MALSU1: variants seen among roughly 807,000 people sequenced by gnomAD.
MALSU1 encodes mitochondrial assembly of ribosomal large subunit protein 1.
A neutral mutation model predicts 22.1 loss-of-function variants in MALSU1; 22 were observed. The observed-to-expected ratio is 1.00, with a 90% confidence interval of 0.71 to 1.42. MALSU1 has a LOEUF of 1.42. MALSU1 is among the 40% of genes most tolerant of loss of function. The pLI, the probability that MALSU1 is intolerant of heterozygous loss-of-function variation, is 0.00. For missense variants in MALSU1, 379 were observed against 308.3 expected, an observed-to-expected ratio of 1.23 and a Z score of -1.72; for synonymous variants, 153 against 118.5, an observed-to-expected ratio of 1.29 and a Z score of -1.89.
chr7:23,300,732 G>C (rs1783630905), intron 1 of MALSU1, 107 bp from the exon 2 acceptor site: 1 of 938,508 alleles, frequency 1.1e-6, no homozygotes, highest in Admixed American at 2.1e-5. Context: ...AAAACACTTT[G>C]GATCTAAACA....
In MALSU1 at chr7:23,310,030, T is replaced by G. The variant is rs1011762433; in HGVS notation, c.*487T>G. ...TAACACAAGAAAGTAAACAAAGTGT[T>G]TGTTAGGAAAAACTCTGAACGCTCT... On this transcript the variant is annotated 3_prime_UTR_variant, in exon 4 of 4. Transcript: ENST00000466681. The G allele has an allele frequency of 1.6e-5, 2 of 123,218 alleles. No individual in the cohort carries two copies. Among genetic ancestry groups the G allele is most frequent in the East Asian group, 5.1e-4 (2 of 3,930 alleles). 7.6% of individuals were successfully genotyped at this position (123,218 alleles called of 1,614,324 possible). A position where few individuals can be genotyped will look rare whatever the true frequency, so the allele number is the denominator to read the frequency against.
In MALSU1 at chr7:23,309,126, T is replaced by TATCA. The variant is rs573265477; in HGVS notation, c.518-229_518-226dup. 2.0e-4 allele frequency among the ~76,000 whole-genome samples: 30 copies of TATCA among 152,332 alleles called. 1 individual carries two copies. Among genetic ancestry groups the TATCA allele is most frequent in the South Asian group, 1.4e-3 (7 of 4,830 alleles). On this transcript the variant is annotated intron_variant, in intron 3 of 3. Coordinates refer to ENST00000466681, the MANE Select transcript of MALSU1 (RefSeq NM_138446.2). ...CCATTAGTCTCTTTGATAAAGTTAC[T>TATCA]ATCACCAGCAATGTTATATATTGAC...
chr7:23,304,104 C>T (rs1326197018), intron 2 of MALSU1, among the ~76,000 whole-genome samples: 4 of 145,776 alleles, frequency 2.7e-5, no homozygotes, highest in Non-Finnish European at 5.9e-5. Context: ...GAAACTCAGT[C>T]TCAAAAAAAA....
intron 2 of MALSU1, among the ~76,000 whole-genome samples, chr7:23,302,252 C>T (rs1783657998): frequency 6.6e-6 from 1 of 152,146 alleles, no homozygotes; most frequent in African/African-American, 2.4e-5. Context: ...GATTGTTTTC[C>T]AGTTGCACTG....
In MALSU1 at chr7:23,299,639, C is replaced by A. The variant is rs370706854; in HGVS notation, c.256+31C>A. 4 of 1,541,994 alleles carry A rather than the reference C, an allele frequency of 2.6e-6. No individual in the cohort carries two copies. The East Asian group carries it at 7.4e-5, about 28-fold the overall frequency. ...GGCGTGGAGAAGAACGAAGGCGACC[C>A]TCTCCGGGCAGTCTGGAGTCAGGTC... On this transcript the variant is annotated intron_variant, in intron 1 of 3. Transcript: ENST00000466681.
chr7:23,305,962 A>T lies in MALSU1; in HGVS notation c.436-1906A>T, dbSNP rs558347055. ...GTAATCCTAGCACTTTGGGAGGCCG[A>T]GGCAGGCAGATCACCTGAGATCGGG... On this transcript the variant is annotated intron_variant, in intron 2 of 3. Coordinates refer to ENST00000466681, the MANE Select transcript of MALSU1 (RefSeq NM_138446.2). Among the ~76,000 whole-genome samples the T allele has an allele frequency of 5.6e-4, 86 of 152,328 alleles. 1 individual carries two copies. The highest frequency in any genetic ancestry group is 2.0e-3 in the African/African-American group (84 of 41,586).
chr7:23,302,639 A>ATGGG lies in MALSU1; in HGVS notation c.435+1623_435+1626dup, dbSNP rs560184759. 7.2e-5 allele frequency among the ~76,000 whole-genome samples: 11 copies of ATGGG among 152,324 alleles called. No homozygotes were observed. The South Asian group carries it at 2.3e-3, about 32-fold the overall frequency. On this transcript the variant is annotated intron_variant, in intron 2 of 3. Coordinates refer to ENST00000466681, the MANE Select transcript of MALSU1 (RefSeq NM_138446.2). ...CATTGGACTTGCGGATGTAAAAAGAATGGGAGGTTTTACAGAGAAGTTTCT... is the reference window on the plus strand; with the variant it reads ...CATTGGACTTGCGGATGTAAAAAGAATGGGTGGGAGGTTTTACAGAGAAGTTTCT...
chr7:23,299,641 C>G, intron 1 of MALSU1, 33 bp downstream of exon 1: 2 of 1,541,040 alleles, frequency 1.3e-6, no homozygotes, highest in Non-Finnish European at 8.8e-7. Context: ...AGGCGACCCT[C>G]TCCGGGCAGT....
At chr7:23,301,111 C>A in intron 2 of MALSU1, 94 bp downstream of exon 2, 3 of 1,198,944 alleles carry the variant, frequency 2.5e-6, no homozygotes, top group South Asian at 1.7e-5. Context: ...GTAAACCCAT[C>A]ATACAAAGTT....
intron 3 of MALSU1, among the ~76,000 whole-genome samples, chr7:23,308,709 G>GT (rs1783758481): frequency 6.6e-6 from 1 of 152,058 alleles, no homozygotes; most frequent in Non-Finnish European, 1.5e-5. Flanking sequence ...CTCAGATGAG[G>GT]GTGTCTAGGT....
intron 2 of MALSU1, among the ~76,000 whole-genome samples, chr7:23,303,296 A>T (rs189655021): frequency 6.1e-4 from 93 of 152,286 alleles, no homozygotes; most frequent in Middle Eastern, 3.4e-3. Flanking sequence ...TAGATTTGTG[A>T]CCGACTTATC....
intron 2 of MALSU1, among the ~76,000 whole-genome samples, chr7:23,304,733 G>A (rs1463633001): frequency 6.6e-6 from 1 of 151,992 alleles, no homozygotes; most frequent in Admixed American, 6.6e-5. Flanking sequence ...ATAGAGACAG[G>A]GTCTCACTAT....
rs1329696118 is a variant in MALSU1, at chr7:23,302,547, T to C, written c.435+1530T>C. On this transcript the variant is annotated intron_variant, in intron 2 of 3. Coordinates refer to ENST00000466681, the MANE Select transcript of MALSU1 (RefSeq NM_138446.2). ...ACTAGGAAAGCATAAAGAAGAGATA[T>C]ACAAAGACAGCATACCAGGGTCTCT... Among the ~76,000 whole-genome samples the C allele has an allele frequency of 2.6e-5, 4 of 152,068 alleles. No individual in the cohort carries two copies. In the East Asian group the frequency reaches 5.8e-4, roughly 22 times the overall value.
intron 2 of MALSU1, among the ~76,000 whole-genome samples, chr7:23,306,914 G>T (rs550985440): frequency 6.6e-6 from 1 of 152,244 alleles, no homozygotes; most frequent in South Asian, 2.1e-4. Context: ...AGTGTTCCCT[G>T]TTCTTCAATT....
Position 23,310,476 on chromosome 7 carries a change from A to T in MALSU1, c.*933A>T, listed in dbSNP as rs950471461. 3.9e-5 allele frequency: 6 copies of T among 152,248 alleles called. No homozygotes were observed. Among genetic ancestry groups the T allele is most frequent in the African/African-American group, 1.4e-4 (6 of 41,462 alleles). The allele number at this position is 152,248 out of a possible 1,614,324, so 9.4% of individuals were successfully genotyped here. A position where few individuals can be genotyped will look rare whatever the true frequency, so the allele number is the denominator to read the frequency against. On this transcript the variant is annotated 3_prime_UTR_variant, in exon 4 of 4. Coordinates refer to ENST00000466681, the MANE Select transcript of MALSU1 (RefSeq NM_138446.2). ...ATGCAGCACCTATGTGTATATTTTT[A>T]AAAAATCAAATATTGGGGAAAAAAA...
rs548221180 is a variant in MALSU1, at chr7:23,305,666, C to T, written c.436-2202C>T. 8.5e-5 allele frequency among the ~76,000 whole-genome samples: 13 copies of T among 152,184 alleles called. No homozygotes were observed. The East Asian group carries it at 1.9e-3, about 23-fold the overall frequency. On this transcript the variant is annotated intron_variant, in intron 2 of 3. Transcript: ENST00000466681. ...GGCTGGGATTACAGGTGTGAGCCACCGTGTCTGGCCCCACATAAAGTTTAG... is the reference window on the plus strand; with the variant it reads ...GGCTGGGATTACAGGTGTGAGCCACTGTGTCTGGCCCCACATAAAGTTTAG...
intron 2 of MALSU1, among the ~76,000 whole-genome samples, chr7:23,306,660 T>A (rs1241854023): frequency 6.6e-6 from 1 of 152,232 alleles, no homozygotes; most frequent in Admixed American, 6.5e-5. Context: ...TGAATTTTGT[T>A]AAATGCTTTT....
intron 2 of MALSU1, among the ~76,000 whole-genome samples, chr7:23,304,687 G>A (rs1783701715): frequency 6.6e-6 from 1 of 152,132 alleles, no homozygotes. Flanking sequence ...TAGAATGGTA[G>A]GAGTTACTCC....
At chr7:23,306,195 A>C (rs1038377499) in intron 2 of MALSU1, among the ~76,000 whole-genome samples, 10 of 152,062 alleles carry the variant, frequency 6.6e-5, no homozygotes, top group Admixed American at 5.9e-4. Context: ...ACTCAAAACA[A>C]GAACGTCTCA....
Sources: gnomAD v4.1 joint callset for allele counts (sites outside exome capture counted in the v4.1 genomes callset) on GRCh38, gnomAD v4.1.1 for gene constraint, MANE v1.5 for transcripts, NCBI Gene and HGNC (gene_info 2026-07-23, HGNC 2026-07-21) for gene names.